The following TCERG1 variants were observed in gnomAD, a reference collection of about 807,000 sequenced individuals.
TCERG1 encodes transcription elongation regulator 1, also known as TATA box binding protein (TBP)-associated factor, RNA polymerase II, S, 150kD.
A neutral mutation model predicts 144.7 loss-of-function variants in TCERG1; 37 were observed. That is an observed-to-expected ratio of 0.26 (90% CI 0.20 to 0.34). The LOEUF is 0.34. Among genes scored for constraint, TCERG1 ranks in the 10% least tolerant of loss-of-function variants. The pLI, the probability that TCERG1 is intolerant of heterozygous loss-of-function variation, is 1.00. For missense variants in TCERG1, 1,027 were observed against 1,380.7 expected (o/e 0.74, Z 4.06); for synonymous variants, 492 against 458.2 (o/e 1.07, Z -0.94).
chr5:146,474,246 A>G (rs1412040986), intron 9 of TCERG1, among the ~76,000 whole-genome samples: 1 of 152,216 alleles, frequency 6.6e-6, no homozygotes, highest in Non-Finnish European at 1.5e-5. Context: ...TGAGGAACTG[A>G]AGACTTCAGT....
chr5:146,471,594 G>C lies in TCERG1; in HGVS notation c.1601+18G>C. 6.3e-7 allele frequency: 1 copy of C among 1,582,258 alleles called. No individual in the cohort carries two copies. Among genetic ancestry groups the C allele is most frequent in the Non-Finnish European group, 8.6e-7 (1 of 1,161,984 alleles). On this transcript the variant is annotated intron_variant, in intron 9 of 22. Transcript: ENST00000679501. ...ACTCCATGGTATGTATTTGGCTCAA[G>C]TAGTAATTTTTTTTTTTTTTTTGAG...
At chr5:146,462,876 AGTCTAACAAAAC>A (rs1314308422) in intron 4 of TCERG1, among the ~76,000 whole-genome samples, 1 of 152,218 alleles carries the variant, frequency 6.6e-6, no homozygotes, top group Admixed American at 6.5e-5. Flanking sequence ...AAAAGTTCAA[AGTCTAACAAAAC>A]GTATATATTA....
intron 15 of TCERG1, among the ~76,000 whole-genome samples, chr5:146,489,243 A>G (rs1223724814): frequency 1.3e-5 from 2 of 152,184 alleles, no homozygotes; most frequent in African/African-American, 2.4e-5. Context: ...TTGATATGCT[A>G]ATTACCTTGA....
intron 15 of TCERG1, among the ~76,000 whole-genome samples, chr5:146,485,549 C>G (rs573017922): frequency 6.6e-6 from 1 of 152,092 alleles, no homozygotes; most frequent in South Asian, 2.1e-4. Flanking sequence ...ATAGTTCTTT[C>G]CCAATTTTTG....
At chr5:146,501,824 C>T (rs1394526990) in intron 17 of TCERG1, among the ~76,000 whole-genome samples, 1 of 149,586 alleles carries the variant, frequency 6.7e-6, no homozygotes, top group Admixed American at 6.7e-5. Flanking sequence ...AGAAACATTT[C>T]TGATGCAGAT....
chr5:146,507,394 A>G lies in TCERG1; in HGVS notation c.2961+187A>G, dbSNP rs3797300. On this transcript the variant is annotated intron_variant, in intron 20 of 22. Transcript: ENST00000679501. This position sits in a 1 kb window ranked among gnomAD's most constrained non-coding sequence, Gnocchi z 4.6. ...TTATTTAGAAATGCCTATTCTTTGC[A>G]GTTTTCACATTCATAACTGCTCCCA... 0.079 allele frequency: 43,246 copies of G among 546,742 alleles called. 2,064 individuals are homozygous for G. The highest frequency in any genetic ancestry group is 0.09 in the Non-Finnish European group (29,943 of 331,396). 33.9% of individuals were successfully genotyped at this position (546,742 alleles called of 1,614,324 possible). A position where few individuals can be genotyped will look rare whatever the true frequency, so the allele number is the denominator to read the frequency against.
At position 146,463,703 on chromosome 5, in the gene TCERG1, C is replaced by G. The variant is rs1763534540; in HGVS notation, c.1045C>G (p.Pro349Ala). ...TLPPAVPHSVPQPTTAIPAFP... is the reference protein window; with the variant it reads ...TLPPAVPHSVAQPTTAIPAFP... ...ACCTCCTGCTGTTCCTCATTCAGTACCTCAGCCAACAACAGCAATACCTGC... is the reference window on the plus strand; with the variant it reads ...ACCTCCTGCTGTTCCTCATTCAGTAGCTCAGCCAACAACAGCAATACCTGC... Residue 349 changes from proline (P) to alanine (A), a missense_variant, in exon 5 of 23, where the codon CCT becomes GCT. Physicochemically the swap from Pro to Ala is conservative, Grantham distance 27. Around this residue, in one of 6 missense-constraint regions of TCERG1, gnomAD observed 187 missense variants for 169.1 expected, o/e 1.11. Coordinates refer to ENST00000679501, the MANE Select transcript of TCERG1 (RefSeq NM_001382548.1). 1 of 1,614,212 alleles carries G rather than the reference C, an allele frequency of 6.2e-7. No individual in the cohort carries two copies. Among genetic ancestry groups the G allele is most frequent in the Admixed American group, 1.7e-5 (1 of 60,024 alleles).
At chr5:146,487,295 T>C (rs753105393) in intron 15 of TCERG1, among the ~76,000 whole-genome samples, 6 of 152,028 alleles carry the variant, frequency 3.9e-5, no homozygotes, top group Non-Finnish European at 8.8e-5. Flanking sequence ...AAGATACTGA[T>C]GAAAGAAACT....
Position 146,455,266 on chromosome 5 carries a change from C to T in TCERG1, c.270C>T (p.Gly90=). 1 of 1,614,222 alleles carries T rather than the reference C, an allele frequency of 6.2e-7. No homozygotes were observed. Among genetic ancestry groups the T allele is most frequent in the Non-Finnish European group, 8.5e-7 (1 of 1,180,044 alleles). The change falls in exon 2 of 23, where the codon GGC becomes GGT. Residue 90 remains glycine, a synonymous_variant. Coordinates refer to ENST00000679501, the MANE Select transcript of TCERG1 (RefSeq NM_001382548.1). ...CAGGAGGGATACCTCCACCTATGGG[C>T]CCTCCACACCTCCAGGTAAAGAATG... is the stretch of plus-strand genomic sequence containing the variant. ...PPPGGIPPPM[G]PPHLQRPPFM...
intron 19 of TCERG1, 26 bp downstream of exon 19, chr5:146,504,032 T>C (rs1231765121): frequency 2.0e-6 from 3 of 1,485,178 alleles, no homozygotes; most frequent in African/African-American, 2.8e-5. Flanking sequence ...TTACTTTTTT[T>C]CTCTAAAGTA....
intron 17 of TCERG1, among the ~76,000 whole-genome samples, chr5:146,501,344 C>T (rs930994079): frequency 1.5e-5 from 2 of 132,576 alleles, no homozygotes; most frequent in African/African-American, 5.6e-5. Context: ...TGTTCTCATA[C>T]TGATAGCCTT....
intron 10 of TCERG1, among the ~76,000 whole-genome samples, chr5:146,479,326 AT>A (rs762330076): frequency 1.3e-5 from 2 of 151,652 alleles, no homozygotes; most frequent in Non-Finnish European, 2.9e-5. Flanking sequence ...AGTGTGTATC[AT>A]TTATAGTCAT....
chr5:146,489,600 A>T (rs1187394444), intron 15 of TCERG1, among the ~76,000 whole-genome samples: 2 of 152,184 alleles, frequency 1.3e-5, no homozygotes, highest in East Asian at 3.8e-4. Context: ...TTTGAAACAG[A>T]AAAGATAAAA....
Position 146,507,767 on chromosome 5 carries a change from A to G in TCERG1, c.2962-106A>G. 3.0e-6 allele frequency: 2 copies of G among 667,894 alleles called. No individual in the cohort carries two copies. The highest frequency in any genetic ancestry group is 4.9e-6 in the Non-Finnish European group (2 of 408,226). The allele number at this position is 667,894 out of a possible 1,614,324, so 41.4% of individuals were successfully genotyped here. A position where few individuals can be genotyped will look rare whatever the true frequency, so the allele number is the denominator to read the frequency against. On this transcript the variant is annotated intron_variant, in intron 20 of 22. Coordinates refer to ENST00000679501, the MANE Select transcript of TCERG1 (RefSeq NM_001382548.1). This position sits in a 1 kb window ranked among gnomAD's most constrained non-coding sequence, Gnocchi z 4.6. ...TAGTCCAGTTACGCTTGGGCATTAC[A>G]AGAGATCGCAGGTCAGTGTGTAATA...
At chr5:146,471,976 A>G (rs1288690651) in intron 9 of TCERG1, among the ~76,000 whole-genome samples, 1 of 152,192 alleles carries the variant, frequency 6.6e-6, no homozygotes, top group Non-Finnish European at 1.5e-5. Flanking sequence ...TAAAAAGTGT[A>G]TGTCAAATAT....
chr5:146,485,865 T>G (rs185754700), intron 15 of TCERG1, among the ~76,000 whole-genome samples: 1 of 152,246 alleles, frequency 6.6e-6, no homozygotes, highest in East Asian at 1.9e-4. Context: ...CGGCTAATTT[T>G]TCTATCTTTA....
intron 16 of TCERG1, among the ~76,000 whole-genome samples, chr5:146,495,558 T>C: frequency 6.6e-6 from 1 of 152,190 alleles, no homozygotes; most frequent in Non-Finnish European, 1.5e-5. Context: ...TGAATTAATG[T>C]TGGATATTGA....
intron 9 of TCERG1, among the ~76,000 whole-genome samples, chr5:146,472,453 C>T (rs1368831984): frequency 1.3e-5 from 2 of 152,050 alleles, no homozygotes; most frequent in African/African-American, 4.8e-5. Flanking sequence ...GATCTGCGAT[C>T]AGTGATCTTT....
intron 19 of TCERG1, among the ~76,000 whole-genome samples, chr5:146,504,961 A>G (rs562113996): frequency 3.3e-5 from 5 of 152,022 alleles, no homozygotes; most frequent in South Asian, 4.2e-4. Context: ...CAGGAGCATC[A>G]CTTGTACCTG....
Sources: gnomAD v4.1 joint callset for allele counts (sites outside exome capture counted in the v4.1 genomes callset) on GRCh38, gnomAD v4.1.1 for gene constraint, gnomAD v4.1.1 regional missense constraint, Gnocchi (gnomAD v3.1) non-coding constraint, MANE v1.5 for transcripts, NCBI Gene and HGNC (gene_info 2026-07-23, HGNC 2026-07-21) for gene names.